The following KCNN2 variants were observed in gnomAD, a reference collection of about 807,000 sequenced individuals.
KCNN2 encodes small conductance calcium-activated potassium channel protein 2.
Under a neutral mutation model 55.5 loss-of-function variants are expected in KCNN2, and 24 were observed. The ratio of observed to expected loss-of-function variants is 0.43; its 90% CI spans 0.31 to 0.61. The LOEUF is 0.61. Ranked by LOEUF, KCNN2 falls within the 20% of genes least tolerant of loss-of-function variation. The pLI is 0.08. For missense variants in KCNN2, 754 were observed against 853.6 expected (o/e 0.88, Z 1.45); for synonymous variants, 431 against 336.1 (o/e 1.28, Z -3.09).
rs182122811 is a variant in KCNN2 at position 114,409,224 on chromosome 5, A to G, written c.1637+4368A>G. 1.8e-4 allele frequency among the ~76,000 whole-genome samples: 27 copies of G among 152,342 alleles called. No individual in the cohort carries two copies. In the Middle Eastern group the frequency reaches 0.01, roughly 58 times the overall value. ...ACACAAATGTGTAAAAGAAAAAAAA[A>G]TTATTAACCAGCATTGTGTTAATAG... On this transcript the variant is annotated intron_variant, in intron 3 of 7. Transcript: ENST00000673685.
intron 6 of KCNN2, 67 bp downstream of exon 6, chr5:114,487,244 T>G: frequency 7.0e-7 from 1 of 1,431,422 alleles, no homozygotes; most frequent in South Asian, 1.2e-5. Flanking sequence ...CACTTGTTTA[T>G]TCTTGTTTCA....
At chr5:114,192,257 G>A (rs1481689245) in intron 1 of KCNN2, among the ~76,000 whole-genome samples, 2 of 152,098 alleles carry the variant, frequency 1.3e-5, no homozygotes, top group African/African-American at 4.8e-5. Context: ...GACTTTTAAT[G>A]TTTTGGCTGC....
chr5:114,158,284 G>A (rs1040277649), intron 1 of KCNN2, among the ~76,000 whole-genome samples: 1 of 152,114 alleles, frequency 6.6e-6, no homozygotes, highest in African/African-American at 2.4e-5. Context: ...GCTTGTTTTT[G>A]CCAGGTTTGT....
chr5:114,162,974 C>G (rs572712932), intron 1 of KCNN2, among the ~76,000 whole-genome samples: 2 of 152,310 alleles, frequency 1.3e-5, no homozygotes, highest in South Asian at 2.1e-4. Context: ...CCTCTCCCTG[C>G]TTCGGCTCAT....
intron 3 of KCNN2, among the ~76,000 whole-genome samples, chr5:114,442,166 C>T (rs915301669): frequency 4.6e-5 from 7 of 151,856 alleles, no homozygotes; most frequent in Non-Finnish European, 7.4e-5. Context: ...TATTAGAAAC[C>T]ACAATCTAGA....
At chr5:114,220,494 C>G (rs1483630706) in intron 1 of KCNN2, among the ~76,000 whole-genome samples, 1 of 151,616 alleles carries the variant, frequency 6.6e-6, no homozygotes. Context: ...TTTTCAAAAA[C>G]TATTTGTAAA....
At chr5:114,221,459 A>G (rs1435773979) in intron 1 of KCNN2, among the ~76,000 whole-genome samples, 1 of 152,210 alleles carries the variant, frequency 6.6e-6, no homozygotes, top group Non-Finnish European at 1.5e-5. Context: ...AACAAAGACT[A>G]ATAGAATTTA....
At chr5:114,490,719 C>T (rs1481053906) in intron 6 of KCNN2, 18 of 398,008 alleles carry the variant, frequency 4.5e-5, no homozygotes. Flanking sequence ...GTGAGCCGCT[C>T]CTTTCAACAT....
At position 114,463,209 on chromosome 5, in the gene KCNN2, C is replaced by T; in HGVS notation, c.1779+19C>T. 6.3e-7 allele frequency: 1 copy of T among 1,595,680 alleles called. No homozygotes were observed. On this transcript the variant is annotated intron_variant, in intron 4 of 7. Coordinates refer to ENST00000673685, the MANE Select transcript of KCNN2 (RefSeq NM_021614.4). ...AATTATGGTAAGTGTCTTTATACTT[C>T]ACATCTCTTTTATTTACGCTCAAGA...
intron 2 of KCNN2, among the ~76,000 whole-genome samples, chr5:114,294,771 C>G (rs963499415): frequency 6.6e-6 from 1 of 152,160 alleles, no homozygotes; most frequent in African/African-American, 2.4e-5. Context: ...TGTCATTGAT[C>G]TGTCTAATGT....
chr5:114,447,034 C>G (rs1280852396), intron 3 of KCNN2, among the ~76,000 whole-genome samples: 1 of 152,158 alleles, frequency 6.6e-6, no homozygotes, highest in Non-Finnish European at 1.5e-5. Flanking sequence ...TTGCACAGCA[C>G]AGATATTGAA....
intron 3 of KCNN2, among the ~76,000 whole-genome samples, chr5:114,443,484 C>T (rs764000974): frequency 1.3e-5 from 2 of 152,134 alleles, no homozygotes; most frequent in East Asian, 1.9e-4. Flanking sequence ...CTAAATGCTT[C>T]GTTGGGATTA....
chr5:114,134,113 A>C (rs1203511240), intron 1 of KCNN2, among the ~76,000 whole-genome samples: 1 of 151,978 alleles, frequency 6.6e-6, no homozygotes, highest in African/African-American at 2.4e-5. Context: ...TTATTTTACC[A>C]GCCCCCACTT....
At chr5:114,262,738 T>G (rs1755133240) in intron 2 of KCNN2, among the ~76,000 whole-genome samples, 1 of 152,184 alleles carries the variant, frequency 6.6e-6, no homozygotes, top group African/African-American at 2.4e-5. Flanking sequence ...TAATCATACC[T>G]TCAGTAGATA....
chr5:114,167,920 T>A (rs1314372770), intron 1 of KCNN2, among the ~76,000 whole-genome samples: 3 of 152,134 alleles, frequency 2.0e-5, no homozygotes, highest in Non-Finnish European at 2.9e-5. Flanking sequence ...TATCATGCAG[T>A]AGGTACTCTT....
intron 2 of KCNN2, among the ~76,000 whole-genome samples, chr5:114,379,517 ATATAT>A (rs1758042236): frequency 8.2e-6 from 1 of 122,124 alleles, no homozygotes; most frequent in East Asian, 2.1e-4. Context: ...TATTTATAGA[ATATAT>A]TATATAACAT....
At chr5:114,141,374 G>C (rs1378014808) in intron 1 of KCNN2, among the ~76,000 whole-genome samples, 2 of 151,946 alleles carry the variant, frequency 1.3e-5, no homozygotes, top group African/African-American at 4.8e-5. Flanking sequence ...GTGAGAACAC[G>C]CGGAGTTTGT....
chr5:114,218,631 G>T (rs984327321), intron 1 of KCNN2, among the ~76,000 whole-genome samples: 9 of 152,290 alleles, frequency 5.9e-5, no homozygotes, highest in African/African-American at 2.2e-4. Context: ...TCAGGGCAGT[G>T]AATTACTCTG....
At chr5:114,409,226 T>A (rs757997882) in intron 3 of KCNN2, among the ~76,000 whole-genome samples, 1 of 152,240 alleles carries the variant, frequency 6.6e-6, no homozygotes, top group African/African-American at 2.4e-5. Context: ...AAAAAAAAAT[T>A]ATTAACCAGC....
Sources: gnomAD v4.1 joint callset for allele counts (sites outside exome capture counted in the v4.1 genomes callset) on GRCh38, gnomAD v4.1.1 for gene constraint, MANE v1.5 for transcripts, NCBI Gene and HGNC (gene_info 2026-07-23, HGNC 2026-07-21) for gene names.